RAMP1: variants seen among roughly 807,000 people sequenced by gnomAD.
RAMP1 encodes receptor activity modifying protein 1.
Under a neutral mutation model 8.2 loss-of-function variants are expected in RAMP1, and 7 were observed. That is an observed-to-expected ratio of 0.85 (90% confidence interval 0.49 to 1.60). The LOEUF (loss-of-function observed/expected upper bound fraction) is 1.60, where lower values mean the gene tolerates loss of function less well. RAMP1 is among the 40% of genes most tolerant of loss of function. RAMP1 has a pLI of 0.00. For missense variants in RAMP1, 192 were observed against 202.4 expected (o/e 0.95, Z 0.31); for synonymous variants, 92 against 84.7 (o/e 1.09, Z -0.47).
intron 2 of RAMP1, among the ~76,000 whole-genome samples, chr2:237,895,256 C>G (rs557986848): frequency 6.6e-6 from 1 of 152,272 alleles, no homozygotes; most frequent in African/African-American, 2.4e-5. Flanking sequence ...CACATGCCCA[C>G]CCCCTGCTGT....
At chr2:237,872,491 G>A (rs903056309) in intron 1 of RAMP1, among the ~76,000 whole-genome samples, 8 of 152,308 alleles carry the variant, frequency 5.3e-5, no homozygotes, top group Middle Eastern at 3.4e-3. Context: ...ATCTGCAGCC[G>A]GGGCTCCTGG....
intron 2 of RAMP1, among the ~76,000 whole-genome samples, chr2:237,910,425 A>G (rs2062698807): frequency 6.6e-6 from 1 of 152,068 alleles, no homozygotes; most frequent in Admixed American, 6.6e-5. Flanking sequence ...ACAGTCACAC[A>G]TAGAATGTCA....
chr2:237,896,640 T>A (rs762898299), intron 2 of RAMP1, among the ~76,000 whole-genome samples: 4 of 152,222 alleles, frequency 2.6e-5, no homozygotes, highest in Non-Finnish European at 5.9e-5. Context: ...TAGTATTTTC[T>A]TAGACTTTGT....
In RAMP1 at chr2:237,862,667, C is replaced by T. The variant is rs144434225; in HGVS notation, c.52+2940C>T. On this transcript the variant is annotated intron_variant, in intron 1 of 2. Transcript: ENST00000254661. This position sits in a 1 kb window ranked among gnomAD's most constrained non-coding sequence, Gnocchi z 4.0. ...GCTGAGCCCAGAGAGTGAAGCCCCT[C>T]GGGCTTGCCTGCCAGTGCCCCTGCC... 2.3e-3 allele frequency among the ~76,000 whole-genome samples: 350 copies of T among 152,296 alleles called. 1 individual carries two copies. The highest frequency in any genetic ancestry group is 8.2e-3 in the African/African-American group (341 of 41,556).
intron 2 of RAMP1, among the ~76,000 whole-genome samples, chr2:237,879,863 G>A (rs1170099745): frequency 6.6e-6 from 1 of 150,836 alleles, no homozygotes. Context: ...GGTAGCACAC[G>A]CCTGTAATCC....
Position 237,912,092 on chromosome 2 carries a change from A to AG in RAMP1, c.*312dup, listed in dbSNP as rs1466718367. On this transcript the variant is annotated 3_prime_UTR_variant, in exon 3 of 3. Coordinates refer to ENST00000254661, the MANE Select transcript of RAMP1 (RefSeq NM_005855.4). The stretch of plus-strand genomic sequence containing the variant: ...TGTGGATGAGTGGTTTGTGATTAAA[A>AG]GGGATGTTCTTGAACTTGGAAAGAC... 1.7e-5 allele frequency: 7 copies of AG among 400,128 alleles called. No homozygotes were observed. In the East Asian group the frequency reaches 2.9e-4, roughly 17 times the overall value. The allele number at this position is 400,128 out of a possible 1,614,324, so 24.8% of individuals were successfully genotyped here. A position where few individuals can be genotyped will look rare whatever the true frequency, so the allele number is the denominator to read the frequency against.
In RAMP1 at chr2:237,891,451, A is replaced by G. The variant is rs575848144; in HGVS notation, c.191+14089A>G. 1.8e-3 allele frequency among the ~76,000 whole-genome samples: 273 copies of G among 152,268 alleles called. 1 individual carries two copies. Among genetic ancestry groups the G allele is most frequent in the African/African-American group, 5.9e-3 (245 of 41,554 alleles). Reference sequence around the variant, plus strand: ...AGGCGTGAGCCACCGCGCCCAGCCCATTGTATTTTCTTAACAGACAGATAT... The same window carrying G: ...AGGCGTGAGCCACCGCGCCCAGCCCGTTGTATTTTCTTAACAGACAGATAT... On this transcript the variant is annotated intron_variant, in intron 2 of 2. Coordinates refer to ENST00000254661, the MANE Select transcript of RAMP1 (RefSeq NM_005855.4).
intron 1 of RAMP1, among the ~76,000 whole-genome samples, chr2:237,868,224 A>T (rs1221801703): frequency 1.3e-5 from 2 of 151,916 alleles, no homozygotes; most frequent in Non-Finnish European, 2.9e-5. Context: ...TTGTATTTTT[A>T]GTAGAGATAG....
At chr2:237,886,426 T>C (rs554844686) in intron 2 of RAMP1, among the ~76,000 whole-genome samples, 2 of 152,166 alleles carry the variant, frequency 1.3e-5, no homozygotes, top group Non-Finnish European at 2.9e-5. Context: ...GAGGATCTGA[T>C]GACACCTGCC....
intron 2 of RAMP1, among the ~76,000 whole-genome samples, chr2:237,886,340 G>A (rs986738050): frequency 1.3e-5 from 2 of 152,202 alleles, no homozygotes; most frequent in Non-Finnish European, 2.9e-5. Flanking sequence ...CTTGGCAGCC[G>A]CCCCTGGAAT....
At position 237,895,173 on chromosome 2, in the gene RAMP1, TCAGGAGCGAGA is replaced by T. The variant is rs2062527068; in HGVS notation, c.192-16348_192-16338del. Among the ~76,000 whole-genome samples, 3 of 151,894 alleles carry T rather than the reference TCAGGAGCGAGA, an allele frequency of 2.0e-5. No homozygotes were observed. The South Asian group carries it at 6.2e-4, about 32-fold the overall frequency. On this transcript the variant is annotated intron_variant, in intron 2 of 2. Coordinates refer to ENST00000254661, the MANE Select transcript of RAMP1 (RefSeq NM_005855.4). The stretch of plus-strand genomic sequence containing the variant: ...CCTATGGTGGCGATTGTAGAGCGAG[TCAGGAGCGAGA>T]CAGGAGGCCACGTGTTGCCTGCCTG...
chr2:237,882,714 GTT>G (rs2062383066), intron 2 of RAMP1, among the ~76,000 whole-genome samples: 1 of 151,434 alleles, frequency 6.6e-6, no homozygotes, highest in Non-Finnish European at 1.5e-5. Context: ...AGGGCCTGGG[GTT>G]CTAGGGTGGG....
rs967642460 is a variant in RAMP1 at position 237,885,498 on chromosome 2, G to A, written c.191+8136G>A. Among the ~76,000 whole-genome samples, 21 of 152,376 alleles carry A rather than the reference G, an allele frequency of 1.4e-4. 1 individual carries two copies. Among genetic ancestry groups the A allele is most frequent in the African/African-American group, 5.0e-4 (21 of 41,600 alleles). On this transcript the variant is annotated intron_variant, in intron 2 of 2. Transcript: ENST00000254661. ...CTTGCCACATGCCCACGAGCACTGGGACCCCTCTGTGCTCTCCCTGGTGGC... is the reference window on the plus strand; with the variant it reads ...CTTGCCACATGCCCACGAGCACTGGAACCCCTCTGTGCTCTCCCTGGTGGC...
At chr2:237,874,350 G>T (rs2062277664) in intron 1 of RAMP1, among the ~76,000 whole-genome samples, 1 of 152,214 alleles carries the variant, frequency 6.6e-6, no homozygotes, top group Admixed American at 6.5e-5. Context: ...TTCACTTGTT[G>T]GAGACCCCAC....
At chr2:237,880,234 C>T (rs1217472266) in intron 2 of RAMP1, among the ~76,000 whole-genome samples, 8 of 152,256 alleles carry the variant, frequency 5.3e-5, no homozygotes, top group East Asian at 1.9e-4. Context: ...ATGGGAGATG[C>T]GGGATCATCC....
At chr2:237,888,604 G>A (rs961405557) in intron 2 of RAMP1, among the ~76,000 whole-genome samples, 16 of 152,116 alleles carry the variant, frequency 1.1e-4, no homozygotes, top group African/African-American at 3.9e-4. Flanking sequence ...TGCAAGTTAC[G>A]TCACCATGAC....
At chr2:237,889,627 G>T (rs1445891545) in intron 2 of RAMP1, among the ~76,000 whole-genome samples, 4 of 151,932 alleles carry the variant, frequency 2.6e-5, no homozygotes, top group African/African-American at 7.3e-5. Context: ...ATTATGTTTT[G>T]CATGCTTTGA....
chr2:237,895,249 A>T (rs968378609), intron 2 of RAMP1, among the ~76,000 whole-genome samples: 2 of 152,078 alleles, frequency 1.3e-5, no homozygotes, highest in East Asian at 3.9e-4. Flanking sequence ...CGCGAGTCAC[A>T]TGCCCACCCC....
chr2:237,903,187 A>G (rs74272445), intron 2 of RAMP1, among the ~76,000 whole-genome samples: 1,676 of 152,306 alleles, frequency 0.011, 21 homozygotes, highest in East Asian at 0.052. Context: ...GTTTTTCCAC[A>G]TCTTAAAATT....
Sources: gnomAD v4.1 joint callset for allele counts (sites outside exome capture counted in the v4.1 genomes callset) on GRCh38, gnomAD v4.1.1 for gene constraint, Gnocchi (gnomAD v3.1) non-coding constraint, MANE v1.5 for transcripts, NCBI Gene and HGNC (gene_info 2026-07-23, HGNC 2026-07-21) for gene names.